CNTN1: variants seen among roughly 807,000 people sequenced by gnomAD.
The protein encoded by CNTN1 is contactin 1.
In CNTN1, 38 loss-of-function variants were observed where a neutral mutation model predicts 126.4. The observed-to-expected ratio is 0.30, with a 90% confidence interval of 0.23 to 0.39. The LOEUF (loss-of-function observed/expected upper bound fraction) is 0.39, where lower values mean the gene tolerates loss of function less well. Among genes scored for constraint, CNTN1 ranks in the 10% least tolerant of loss-of-function variants. The pLI, the probability that CNTN1 is intolerant of heterozygous loss-of-function variation, is 1.00. For synonymous variants in CNTN1, 413 were observed against 422.6 expected (o/e 0.98, Z 0.28); for missense variants, 1,009 against 1,248.4 (o/e 0.81, Z 2.89).
intron 12 of CNTN1, among the ~76,000 whole-genome samples, chr12:40,940,124 G>A (rs779554123): frequency 2.6e-5 from 4 of 151,978 alleles, no homozygotes; most frequent in Admixed American, 6.6e-5. Context: ...AAATTATGAC[G>A]AGGAGAAAGC....
intron 1 of CNTN1, among the ~76,000 whole-genome samples, chr12:40,881,316 A>G (rs1943862377): frequency 6.6e-6 from 1 of 151,922 alleles, no homozygotes; most frequent in Admixed American, 6.6e-5. Context: ...AATTTGAGCT[A>G]TATACATAAA....
intron 1 of CNTN1, among the ~76,000 whole-genome samples, chr12:40,771,244 A>G (rs1015410547): frequency 2.6e-5 from 4 of 152,126 alleles, no homozygotes; most frequent in Admixed American, 1.3e-4. Flanking sequence ...CTCAGAGAGT[A>G]TTAGAATCTG....
chr12:41,017,936 A>G (rs1351719359), intron 19 of CNTN1, among the ~76,000 whole-genome samples: 1 of 152,036 alleles, frequency 6.6e-6, no homozygotes, highest in Non-Finnish European at 1.5e-5. Flanking sequence ...TACTAAAACT[A>G]CAAAATGAGC....
chr12:40,759,535 G>A (rs972749027), intron 1 of CNTN1, among the ~76,000 whole-genome samples: 2 of 148,608 alleles, frequency 1.3e-5, no homozygotes, highest in African/African-American at 5.0e-5. Context: ...AAATGCTTAT[G>A]GCACACTGCA....
At chr12:40,746,696 G>A (rs1200161926) in intron 1 of CNTN1, among the ~76,000 whole-genome samples, 1 of 151,936 alleles carries the variant, frequency 6.6e-6, no homozygotes, top group African/African-American at 2.4e-5. Context: ...TAACACTTGG[G>A]AGATGAGTAT....
chr12:40,904,224 TAGCC>T (rs1944722154), intron 1 of CNTN1, among the ~76,000 whole-genome samples: 1 of 152,044 alleles, frequency 6.6e-6, no homozygotes, highest in Non-Finnish European at 1.5e-5. Context: ...TTCACTGTGT[TAGCC>T]AGGATGGTCT....
At chr12:40,704,200 A>T (rs1427818979) in intron 1 of CNTN1, among the ~76,000 whole-genome samples, 1 of 152,212 alleles carries the variant, frequency 6.6e-6, no homozygotes, top group African/African-American at 2.4e-5. Flanking sequence ...AGATTTCATA[A>T]TTATTTTTTA....
At chr12:40,951,545 T>C (rs1006654145) in intron 14 of CNTN1, among the ~76,000 whole-genome samples, 2 of 150,290 alleles carry the variant, frequency 1.3e-5, no homozygotes, top group African/African-American at 4.9e-5. Flanking sequence ...GTGAAAATGG[T>C]TTTGCATACA....
Position 40,910,172 on chromosome 12 carries a change from T to A in CNTN1, c.94+67T>A, listed in dbSNP as rs577598734. 2.4e-6 allele frequency: 3 copies of A among 1,227,096 alleles called. No homozygotes were observed. The Admixed American group carries it at 5.1e-5, about 21-fold the overall frequency. The allele number at this position is 1,227,096 out of a possible 1,614,324, so 76.0% of individuals were successfully genotyped here. ...TATTGAATCATATTTTATCTCTGCT[T>A]TAAACTATTAACTCTCTAAACTTTA... On this transcript the variant is annotated intron_variant, in intron 3 of 23. Transcript: ENST00000551295.
intron 1 of CNTN1, among the ~76,000 whole-genome samples, chr12:40,719,813 A>T (rs1278344209): frequency 6.6e-6 from 1 of 152,110 alleles, no homozygotes; most frequent in African/African-American, 2.4e-5. Context: ...TGGTCCGAAT[A>T]GTTCGACATT....
At chr12:41,031,053 G>A (rs1433601001) in intron 23 of CNTN1, among the ~76,000 whole-genome samples, 1 of 152,128 alleles carries the variant, frequency 6.6e-6, no homozygotes, top group Admixed American at 6.6e-5. Context: ...CAGCCACAGC[G>A]AGCTTTTGCT....
At chr12:40,990,023 G>C (rs904878140) in intron 16 of CNTN1, among the ~76,000 whole-genome samples, 1 of 151,898 alleles carries the variant, frequency 6.6e-6, no homozygotes, top group African/African-American at 2.4e-5. Context: ...AGCTTAGAGA[G>C]AAGAGACACT....
chr12:41,027,839 T>C lies in CNTN1; in HGVS notation c.2711-18T>C, dbSNP rs1170285154. 5 of 1,472,122 alleles carry C rather than the reference T, an allele frequency of 3.4e-6. No homozygotes were observed. The highest frequency in any genetic ancestry group is 3.8e-6 in the Non-Finnish European group (4 of 1,050,820). 91.2% of individuals were successfully genotyped at this position (1,472,122 alleles called of 1,614,324 possible). On this transcript the variant is annotated intron_variant, in intron 21 of 23. Transcript: ENST00000551295. ...TTGGATATAGTGACCACTGATTGCA[T>C]ATTACTACTTTTCACAGCTCCTAGC...
intron 9 of CNTN1, among the ~76,000 whole-genome samples, chr12:40,935,176 G>A (rs772666565): frequency 1.4e-4 from 21 of 151,980 alleles, no homozygotes; most frequent in Non-Finnish European, 2.8e-4. Context: ...CAATGCCACA[G>A]TAACATTAAT....
intron 15 of CNTN1, among the ~76,000 whole-genome samples, chr12:40,967,500 A>C (rs1308438597): frequency 6.6e-6 from 1 of 152,020 alleles, no homozygotes; most frequent in Non-Finnish European, 1.5e-5. Flanking sequence ...CAAAACAAAC[A>C]AACAAACAAA....
At chr12:40,981,232 A>G (rs1947810666) in intron 16 of CNTN1, among the ~76,000 whole-genome samples, 165 bp downstream of exon 16, 1 of 152,214 alleles carries the variant, frequency 6.6e-6, no homozygotes. Flanking sequence ...AGAAAATTAC[A>G]TAGAATTTAC....
chr12:40,721,681 C>A (rs1012140933), intron 1 of CNTN1, among the ~76,000 whole-genome samples: 6 of 136,982 alleles, frequency 4.4e-5, no homozygotes, highest in Admixed American at 7.2e-5. Context: ...AGGTATATCT[C>A]CTAATGCTAT....
At chr12:40,782,050 T>C (rs1424991304) in intron 1 of CNTN1, among the ~76,000 whole-genome samples, 1 of 151,952 alleles carries the variant, frequency 6.6e-6, no homozygotes, top group East Asian at 1.9e-4. Context: ...ACATGAGAAA[T>C]TGTTAATTTT....
chr12:41,025,842 C>T (rs993132002), intron 21 of CNTN1, among the ~76,000 whole-genome samples: 9 of 152,198 alleles, frequency 5.9e-5, no homozygotes, highest in Non-Finnish European at 8.8e-5. Context: ...TCCCTGCTCA[C>T]GTTCTGGTCA....
Sources: gnomAD v4.1 joint callset for allele counts (sites outside exome capture counted in the v4.1 genomes callset) on GRCh38, gnomAD v4.1.1 for gene constraint, MANE v1.5 for transcripts, NCBI Gene and HGNC (gene_info 2026-07-23, HGNC 2026-07-21) for gene names.